Variants in CD3G observed in about 807,000 individuals in gnomAD.
CD3G encodes CD3 gamma subunit of T-cell receptor complex.
A neutral mutation model predicts 28.3 loss-of-function variants in CD3G; 24 were observed. The observed-to-expected ratio is 0.85, with a 90% CI of 0.61 to 1.19. The LOEUF (loss-of-function observed/expected upper bound fraction) is 1.19, where lower values mean the gene tolerates loss of function less well. Ranked by LOEUF, CD3G falls within the 50% of genes most tolerant of loss-of-function variation. The pLI, the probability that CD3G is intolerant of heterozygous loss-of-function variation, is 0.00. For missense variants in CD3G, 211 were observed against 210.0 expected (o/e 1.00, Z -0.03); for synonymous variants, 71 against 75.9 (o/e 0.93, Z 0.34).
At chr11:118,350,861 A>C (rs1591285166) in intron 4 of CD3G, 178 bp downstream of exon 4, 1 of 1,335,226 alleles carries the variant, frequency 7.5e-7, no homozygotes, top group South Asian at 1.4e-5. Context: ...CAGCATGTTC[A>C]CCTGTCTCAA....
intron 2 of CD3G, 41 bp from the exon 3 acceptor site, chr11:118,349,701 GA>G: frequency 6.8e-7 from 1 of 1,464,150 alleles, no homozygotes; most frequent in South Asian, 1.1e-5. Context: ...GAGAATTTCA[GA>G]GGCAAGATCC....
chr11:118,352,481 A>G lies in CD3G; in HGVS notation c.*12A>G, dbSNP rs748046205. On this transcript the variant is annotated 3_prime_UTR_variant, in exon 6 of 7. Transcript: ENST00000532917. ...TGAGGAGGAATTGAACTCAGGACTC[A>G]GAGTAGGTGGGTTCTTCAATGCCAA... 1.9e-6 allele frequency: 3 copies of G among 1,610,316 alleles called. 1 individual carries two copies. In the South Asian group the frequency reaches 3.3e-5, roughly 18 times the overall value.
chr11:118,349,790 C>T lies in CD3G; in HGVS notation c.127C>T (p.Leu43Phe), dbSNP rs1427520225. ...TGACTATCAAGAAGATGGTTCGGTA[C>T]TTCTGACTTGTGATGCAGAAGCCAA... ...VYDYQEDGSV[L>F]LTCDAEAKNI... The change falls in exon 3 of 7, where the codon CTT (leucine) becomes TTT (phenylalanine). Residue 43 changes from leucine (L) to phenylalanine (F), a missense_variant. Physicochemically the swap from Leu to Phe is conservative, Grantham distance 22 (BLOSUM62 0). Coordinates refer to ENST00000532917, the MANE Select transcript of CD3G (RefSeq NM_000073.3). The T allele has an allele frequency of 1.2e-6, 2 of 1,614,084 alleles. No homozygotes were observed. Among genetic ancestry groups the T allele is most frequent in the Non-Finnish European group, 1.7e-6 (2 of 1,179,998 alleles).
chr11:118,348,390 A>C (rs1480361520), intron 1 of CD3G, among the ~76,000 whole-genome samples: 1 of 144,762 alleles, frequency 6.9e-6, no homozygotes, highest in Non-Finnish European at 1.6e-5. Flanking sequence ...ATTAAAAAAT[A>C]AAATAAAATC....
At chr11:118,345,571 A>G (rs1309071059) in intron 1 of CD3G, among the ~76,000 whole-genome samples, 1 of 152,142 alleles carries the variant, frequency 6.6e-6, no homozygotes, top group Non-Finnish European at 1.5e-5. Flanking sequence ...GAGGAAGTAG[A>G]GTCTAAGAAT....
chr11:118,350,333 C>T lies in CD3G; in HGVS notation c.308-219C>T, dbSNP rs577776814. ...AGTCTTCCTTCTGTTCCAGATACTT[C>T]CTGGTAGTTAGACTACATGGGCTTC... On this transcript the variant is annotated intron_variant, in intron 3 of 6. Coordinates refer to ENST00000532917, the MANE Select transcript of CD3G (RefSeq NM_000073.3). 4.9e-4 allele frequency: 297 copies of T among 605,228 alleles called. 1 individual carries two copies. Among genetic ancestry groups the T allele is most frequent in the Non-Finnish European group, 6.3e-4 (216 of 340,526 alleles). The allele number at this position is 605,228 out of a possible 1,614,324, so 37.5% of individuals were successfully genotyped here.
At chr11:118,345,646 G>A (rs1234056165) in intron 1 of CD3G, among the ~76,000 whole-genome samples, 3 of 152,166 alleles carry the variant, frequency 2.0e-5, no homozygotes, top group African/African-American at 7.2e-5. Flanking sequence ...ATGATGAGTA[G>A]AGCAAGGTCC....
Position 118,349,777 on chromosome 11 carries a change from A to G in CD3G, c.114A>G (p.Glu38=), listed in dbSNP as rs751425758. 5.6e-6 allele frequency: 9 copies of G among 1,614,014 alleles called. No individual in the cohort carries two copies. In the Admixed American group the frequency reaches 1.5e-4, roughly 27 times the overall value. ...TGGTTAAGGTGTATGACTATCAAGAAGATGGTTCGGTACTTCTGACTTGTG... is the reference window on the plus strand; with the variant it reads ...TGGTTAAGGTGTATGACTATCAAGAGGATGGTTCGGTACTTCTGACTTGTG... The part of the protein sequence containing the change: ...NHLVKVYDYQ[E]DGSVLLTCDA... Residue 38 remains glutamate, a synonymous_variant, in exon 3 of 7, where the codon GAA becomes GAG. Coordinates refer to ENST00000532917, the MANE Select transcript of CD3G (RefSeq NM_000073.3).
rs71041832 is a variant in CD3G at position 118,354,304 on chromosome 11, C to CTTTTTTTTTTTTTTTTTT, written c.*1220_*1221insTTTTTTTTTTTTTTTTTT. The CTTTTTTTTTTTTTTTTTT allele has an allele frequency of 8.1e-5, 10 of 124,082 alleles. No homozygotes were observed. The highest frequency in any genetic ancestry group is 2.5e-4 in the East Asian group (1 of 4,038). The allele number at this position is 124,082 out of a possible 1,614,324, so 7.7% of individuals were successfully genotyped here. On this transcript the variant is annotated 3_prime_UTR_variant, in exon 7 of 7. Transcript: ENST00000532917. ...TTTTTTCTTTTCTTTTCTTTTTTTT[C>CTTTTTTTTTTTTTTTTTT]TTTTTTTTTTTTTTTTGAAGTGGAA...
At position 118,349,031 on chromosome 11, in the gene CD3G, T is replaced by A. The variant is rs1238059485; in HGVS notation, c.60T>A (p.Thr20=). The change falls in exon 2 of 7, where the codon ACT becomes ACA. Residue 20 remains threonine (T), a synonymous_variant. Transcript: ENST00000532917. ...ATCTCTCTTCTGTCTTTACAGGTAC[T>A]TTGGCCCAGTCAATCAAAGGTAGGA... ...LILAIILLQG[T]LAQSIKGNHL... The A allele has an allele frequency of 1.9e-6, 3 of 1,614,058 alleles. No individual in the cohort carries two copies. Among genetic ancestry groups the A allele is most frequent in the Non-Finnish European group, 2.5e-6 (3 of 1,180,002 alleles).
chr11:118,349,484 C>T, intron 2 of CD3G: 1 of 602,438 alleles, frequency 1.7e-6, no homozygotes, highest in Non-Finnish European at 2.8e-6. Flanking sequence ...AAGTTTTACC[C>T]CTACTAATTA....
At chr11:118,345,495 C>G (rs535250356) in intron 1 of CD3G, among the ~76,000 whole-genome samples, 2 of 152,086 alleles carry the variant, frequency 1.3e-5, no homozygotes, top group Non-Finnish European at 2.9e-5. Context: ...ATGAGGTCAG[C>G]AAGTGTAGAC....
chr11:118,347,510 T>G (rs1948368077), intron 1 of CD3G, among the ~76,000 whole-genome samples: 1 of 152,270 alleles, frequency 6.6e-6, no homozygotes, highest in African/African-American at 2.4e-5. Flanking sequence ...CTAATTATTT[T>G]AGGTCATAAT....
At chr11:118,350,025 T>C in intron 3 of CD3G, 55 bp downstream of exon 3, 2 of 1,395,084 alleles carry the variant, frequency 1.4e-6, no homozygotes, top group Non-Finnish European at 2.0e-6. Flanking sequence ...TTTGCTGTTC[T>C]GGTGAGCTTT....
At chr11:118,350,257 T>C in intron 3 of CD3G, 1 of 569,088 alleles carries the variant, frequency 1.8e-6, no homozygotes, top group East Asian at 3.1e-5. Context: ...GAGGTGATCA[T>C]AAGGTGAGCA....
At position 118,349,095 on chromosome 11, in the gene CD3G, C is replaced by T. The variant is rs201802567; in HGVS notation, c.79+45C>T. 1.3e-3 allele frequency: 2,036 copies of T among 1,613,954 alleles called. 9 individuals carry two copies. Among genetic ancestry groups the T allele is most frequent in the South Asian group, 6.5e-3 (593 of 91,062 alleles). ...TCTATACTCAGACTCAGAATATTGACGGAAATTTGGCTTCCTACAACAGTA... is the reference window on the plus strand; with the variant it reads ...TCTATACTCAGACTCAGAATATTGATGGAAATTTGGCTTCCTACAACAGTA... On this transcript the variant is annotated intron_variant, in intron 2 of 6. Coordinates refer to ENST00000532917, the MANE Select transcript of CD3G (RefSeq NM_000073.3).
chr11:118,349,820 A>G lies in CD3G; in HGVS notation c.157A>G (p.Ile53Val), dbSNP rs1344708303. ...GACTTGTGATGCAGAAGCCAAAAATATCACATGGTTTAAAGATGGGAAGAT... is the reference window on the plus strand; with the variant it reads ...GACTTGTGATGCAGAAGCCAAAAATGTCACATGGTTTAAAGATGGGAAGAT... ...LLTCDAEAKN[I>V]TWFKDGKMIG... Residue 53 changes from isoleucine to valine, a missense_variant, in exon 3 of 7, where the codon ATC (isoleucine) becomes GTC (valine). Coordinates refer to ENST00000532917, the MANE Select transcript of CD3G (RefSeq NM_000073.3). 6.2e-7 allele frequency: 1 copy of G among 1,614,166 alleles called. No individual in the cohort carries two copies. The highest frequency in any genetic ancestry group is 8.5e-7 in the Non-Finnish European group (1 of 1,180,022).
intron 2 of CD3G, chr11:118,349,376 G>A: frequency 9.4e-7 from 1 of 1,060,582 alleles, no homozygotes; most frequent in Admixed American, 3.1e-5. Context: ...CTTCTCTTTA[G>A]TTCATCTATT....
chr11:118,350,466 C>T (rs963723930), intron 3 of CD3G, 86 bp from the exon 4 acceptor site: 5 of 953,206 alleles, frequency 5.2e-6, no homozygotes, highest in Non-Finnish European at 6.8e-6. Context: ...CCCTCCACAG[C>T]GGCATTATTG....
Sources: gnomAD v4.1 joint callset for allele counts (sites outside exome capture counted in the v4.1 genomes callset) on GRCh38, gnomAD v4.1.1 for gene constraint, MANE v1.5 for transcripts, NCBI Gene and HGNC (gene_info 2026-07-23, HGNC 2026-07-21) for gene names.